DACH1: variants seen among roughly 807,000 people sequenced by gnomAD.
DACH1 encodes dachshund homolog 1.
In DACH1, 12 loss-of-function variants were observed where a neutral mutation model predicts 54.2. The ratio of observed to expected loss-of-function variants is 0.22; its 90% CI spans 0.14 to 0.36. The LOEUF is 0.36. Ranked by LOEUF, DACH1 falls within the 10% of genes least tolerant of loss-of-function variation. DACH1 has a pLI of 1.00. For missense variants in DACH1, 805 were observed against 929.8 expected (o/e 0.87, Z 1.75); for synonymous variants, 386 against 366.2 (o/e 1.05, Z -0.62).
intron 3 of DACH1, among the ~76,000 whole-genome samples, chr13:71,608,901 T>C (rs1463247391): frequency 1.3e-5 from 2 of 152,092 alleles, no homozygotes; most frequent in African/African-American, 4.8e-5. Flanking sequence ...GATATAAAGA[T>C]AATTGTACCT....
chr13:71,504,173 G>C (rs1238629372), intron 6 of DACH1, among the ~76,000 whole-genome samples: 1 of 152,088 alleles, frequency 6.6e-6, no homozygotes, highest in Non-Finnish European at 1.5e-5. Context: ...GCTTTTCAAT[G>C]TGCTCTATTT....
chr13:71,480,309 A>C (rs980503776), intron 7 of DACH1, among the ~76,000 whole-genome samples: 3 of 152,220 alleles, frequency 2.0e-5, no homozygotes, highest in Non-Finnish European at 4.4e-5. Context: ...ACTTCTAGGA[A>C]ATGATTAGAC....
intron 1 of DACH1, among the ~76,000 whole-genome samples, chr13:71,814,343 T>C (rs1275012566): frequency 2.0e-5 from 3 of 152,244 alleles, no homozygotes; most frequent in African/African-American, 4.8e-5. Flanking sequence ...TTACTTAGAA[T>C]ACTTTGTGAA....
At chr13:71,511,670 A>C (rs1285387502) in intron 6 of DACH1, among the ~76,000 whole-genome samples, 1 of 152,024 alleles carries the variant, frequency 6.6e-6, no homozygotes, top group Non-Finnish European at 1.5e-5. Flanking sequence ...TAAAAAAATA[A>C]AATTTAAAAA....
chr13:71,673,738 A>G (rs2138682328), intron 2 of DACH1, among the ~76,000 whole-genome samples: 1 of 152,240 alleles, frequency 6.6e-6, no homozygotes, highest in Non-Finnish European at 1.5e-5. Context: ...CTGCACATGT[A>G]CCCCAGAACT....
intron 6 of DACH1, among the ~76,000 whole-genome samples, chr13:71,535,949 C>A (rs555052736): frequency 2.6e-5 from 4 of 151,740 alleles, no homozygotes; most frequent in Non-Finnish European, 5.9e-5. Flanking sequence ...CCAAACTTGA[C>A]GTAGAAATTG....
chr13:71,865,898 CG>C (rs780743958), intron 1 of DACH1, 23 bp downstream of exon 1: 3 of 1,559,836 alleles, frequency 1.9e-6, no homozygotes, highest in South Asian at 2.4e-5. Flanking sequence ...GCGCGGGCGG[CG>C]GGGGCTATCC....
rs1594278134 is a variant in DACH1 at position 71,833,633 on chromosome 13, T to G, written c.848+32289A>C. On this transcript the variant is annotated intron_variant, in intron 1 of 10. Coordinates refer to ENST00000613252, the MANE Select transcript of DACH1 (RefSeq NM_080759.6). ...AACTATGGGATTTGGTGACACAGCC[T>G]GGGTACTTTATAAGCTTTTTTGATT... 2.0e-5 allele frequency among the ~76,000 whole-genome samples: 3 copies of G among 152,128 alleles called. No homozygotes were observed. In the South Asian group the frequency reaches 6.2e-4, roughly 32 times the overall value.
At chr13:71,781,538 C>A (rs1317712966) in intron 1 of DACH1, among the ~76,000 whole-genome samples, 1 of 151,772 alleles carries the variant, frequency 6.6e-6, no homozygotes, top group Non-Finnish European at 1.5e-5. Flanking sequence ...GCCAAAGCGC[C>A]CGGCTAATTT....
chr13:71,573,760 T>C (rs1885367125), intron 3 of DACH1, among the ~76,000 whole-genome samples: 4 of 152,172 alleles, frequency 2.6e-5, no homozygotes, highest in East Asian at 1.9e-4. Flanking sequence ...ATTTCTTGTA[T>C]AGGATCTCAA....
In DACH1 at chr13:71,572,704, G is replaced by A. The variant is rs1593915954; in HGVS notation, c.1299+136C>T. On this transcript the variant is annotated intron_variant, in intron 4 of 10. Transcript: ENST00000613252. ...GTGCCCCTGGGGCCATTTGCTACAAGTGATTTTTTTTAATAGTCTATTTAC... is the reference window on the plus strand; with the variant it reads ...GTGCCCCTGGGGCCATTTGCTACAAATGATTTTTTTTAATAGTCTATTTAC... The A allele has an allele frequency of 1.1e-5, 10 of 932,726 alleles. No homozygotes were observed. The East Asian group carries it at 2.2e-4, about 21-fold the overall frequency. The allele number at this position is 932,726 out of a possible 1,614,324, so 57.8% of individuals were successfully genotyped here.
chr13:71,675,278 T>C lies in DACH1; in HGVS notation c.964+6517A>G, dbSNP rs868850318. On this transcript the variant is annotated intron_variant, in intron 2 of 10. Coordinates refer to ENST00000613252, the MANE Select transcript of DACH1 (RefSeq NM_080759.6). ...CGCAGACTTCCCTTCCAGAGTCTGG[T>C]GCGAGAAATTGCTCAGTACTTTAAA... 2.1e-5 allele frequency: 34 copies of C among 1,598,764 alleles called. No individual in the cohort carries two copies. The African/African-American group carries it at 4.3e-4, about 20-fold the overall frequency.
intron 1 of DACH1, among the ~76,000 whole-genome samples, chr13:71,694,342 C>G (rs568842789): frequency 8.1e-6 from 1 of 123,252 alleles, no homozygotes; most frequent in African/African-American, 4.5e-5. Flanking sequence ...CTTTTTGATG[C>G]CCCCGTGAGG....
chr13:71,697,779 T>C (rs1296233615), intron 1 of DACH1, among the ~76,000 whole-genome samples: 2 of 152,198 alleles, frequency 1.3e-5, no homozygotes, highest in Non-Finnish European at 2.9e-5. Flanking sequence ...TGGTAATATA[T>C]GAAAGTCCTA....
At chr13:71,629,299 CT>C (rs1876900415) in intron 3 of DACH1, among the ~76,000 whole-genome samples, 1 of 152,064 alleles carries the variant, frequency 6.6e-6, no homozygotes, top group South Asian at 2.1e-4. Context: ...AGGGCCATCT[CT>C]TTTGGCTCTC....
chr13:71,513,447 T>A (rs1291405429), intron 6 of DACH1, among the ~76,000 whole-genome samples: 1 of 152,020 alleles, frequency 6.6e-6, no homozygotes, highest in Non-Finnish European at 1.5e-5. Flanking sequence ...TAATACAGTA[T>A]TTGCAAAAAT....
intron 1 of DACH1, among the ~76,000 whole-genome samples, chr13:71,808,449 T>C (rs1887593722): frequency 6.6e-6 from 1 of 152,150 alleles, no homozygotes; most frequent in South Asian, 2.1e-4. Flanking sequence ...AATTTTCTAG[T>C]AGTTTGCAAA....
At chr13:71,468,415 T>C (rs1342319351) in intron 10 of DACH1, among the ~76,000 whole-genome samples, 1 of 152,188 alleles carries the variant, frequency 6.6e-6, no homozygotes, top group Admixed American at 6.5e-5. Context: ...TCAGTCTAGA[T>C]GTGATTTCTA....
intron 1 of DACH1, among the ~76,000 whole-genome samples, chr13:71,820,845 C>T (rs1178268856): frequency 6.6e-6 from 1 of 152,162 alleles, no homozygotes; most frequent in South Asian, 2.1e-4. Context: ...CTGGAACAAC[C>T]AAAACAGAGA....
Sources: gnomAD v4.1 joint callset for allele counts (sites outside exome capture counted in the v4.1 genomes callset) on GRCh38, gnomAD v4.1.1 for gene constraint, MANE v1.5 for transcripts, NCBI Gene and HGNC (gene_info 2026-07-23, HGNC 2026-07-21) for gene names.